STXBP5L: variants seen among roughly 807,000 people sequenced by gnomAD.
STXBP5L encodes the protein syntaxin-binding protein 5-like.
In STXBP5L, 65 loss-of-function variants were observed where a neutral mutation model predicts 144.5. The observed-to-expected ratio is 0.45, with a 90% CI of 0.37 to 0.55. The LOEUF (loss-of-function observed/expected upper bound fraction) is 0.55. Among genes scored for constraint, STXBP5L ranks in the 20% least tolerant of loss-of-function variants. The pLI is 0.00. For synonymous variants in STXBP5L, 505 were observed against 469.6 expected (o/e 1.08, Z -0.97); for missense variants, 1,298 against 1,405.5 (o/e 0.92, Z 1.22).
chr3:121,321,242 T>G (rs919890989), intron 20 of STXBP5L, among the ~76,000 whole-genome samples: 2 of 152,210 alleles, frequency 1.3e-5, no homozygotes, highest in Admixed American at 6.5e-5. Flanking sequence ...ATGAGAGATT[T>G]TTTTTTCCTT....
intron 19 of STXBP5L, among the ~76,000 whole-genome samples, chr3:121,296,424 C>T (rs1013270649): frequency 1.3e-5 from 2 of 152,176 alleles, no homozygotes; most frequent in Non-Finnish European, 2.9e-5. Context: ...GAGGGGCTTT[C>T]CATTTCCAGA....
intron 20 of STXBP5L, among the ~76,000 whole-genome samples, chr3:121,364,328 CA>C (rs2045804121): frequency 6.6e-6 from 1 of 152,082 alleles, no homozygotes; most frequent in South Asian, 2.1e-4. Flanking sequence ...CTCCTTATAA[CA>C]GTACCAAAAT....
intron 3 of STXBP5L, among the ~76,000 whole-genome samples, chr3:121,005,149 T>A (rs1576634294): frequency 6.6e-6 from 1 of 152,232 alleles, no homozygotes; most frequent in South Asian, 2.1e-4. Flanking sequence ...CTTGTAACTC[T>A]GGTAGAATTT....
chr3:121,096,717 T>A (rs2043149914), intron 5 of STXBP5L, among the ~76,000 whole-genome samples: 1 of 152,068 alleles, frequency 6.6e-6, no homozygotes. Context: ...TCCTCTGGAA[T>A]CTTTGTCCCA....
chr3:121,414,086 G>A (rs1443487198), intron 24 of STXBP5L, among the ~76,000 whole-genome samples: 1 of 152,024 alleles, frequency 6.6e-6, no homozygotes, highest in Non-Finnish European at 1.5e-5. Flanking sequence ...CTGGAATATA[G>A]TATGTTTTTT....
chr3:121,029,029 A>G (rs1946170513), intron 3 of STXBP5L, among the ~76,000 whole-genome samples: 1 of 152,290 alleles, frequency 6.6e-6, no homozygotes, highest in Admixed American at 6.5e-5. Context: ...AAAATAAGAG[A>G]GGACACAAAC....
At chr3:121,081,292 T>A (rs962979311) in intron 5 of STXBP5L, among the ~76,000 whole-genome samples, 1 of 152,214 alleles carries the variant, frequency 6.6e-6, no homozygotes, top group African/African-American at 2.4e-5. Flanking sequence ...GTTTTTTACC[T>A]TCCTCTGGTA....
chr3:121,250,613 TA>T (rs2049998511), intron 14 of STXBP5L, 109 bp from the exon 15 acceptor site: 1 of 857,276 alleles, frequency 1.2e-6, no homozygotes, highest in African/African-American at 1.7e-5. Context: ...ATTAAAGTGG[TA>T]TTTTTGAATC....
chr3:121,149,583 G>T (rs2045857298), intron 7 of STXBP5L, among the ~76,000 whole-genome samples: 1 of 151,894 alleles, frequency 6.6e-6, no homozygotes, highest in Non-Finnish European at 1.5e-5. Context: ...ATGGCAAAGA[G>T]AATCAACCTT....
rs530571180 is a variant in STXBP5L at position 121,176,618 on chromosome 3, C to A, written c.877+18991C>A. On this transcript the variant is annotated intron_variant, in intron 9 of 26. Transcript: ENST00000471454. ...TAAAAATTATGACAGAAATGGGCAA[C>A]AAAACCTTAGGAAATATGAAATAAA... Among the ~76,000 whole-genome samples the A allele has an allele frequency of 4.0e-5, 6 of 149,342 alleles. No individual in the cohort carries two copies. The South Asian group carries it at 1.3e-3, about 31-fold the overall frequency.
intron 3 of STXBP5L, among the ~76,000 whole-genome samples, chr3:120,959,510 G>T (rs1329047056): frequency 6.6e-6 from 1 of 152,124 alleles, no homozygotes; most frequent in South Asian, 2.1e-4. Context: ...TATACTACAA[G>T]GCTACAGTAA....
rs180994038 is a variant in STXBP5L, at chr3:121,033,915, G to A, written c.288-7785G>A. Among the ~76,000 whole-genome samples the A allele has an allele frequency of 3.5e-3, 527 of 152,088 alleles. 3 individuals carry two copies. Among genetic ancestry groups the A allele is most frequent in the African/African-American group, 0.012 (496 of 41,536 alleles). Reference sequence around the variant, plus strand: ...CTTTAAGAAATACTTAAAAGATCTTGAAATATTTTAACTCTTATTAAAAAT... The same window carrying A: ...CTTTAAGAAATACTTAAAAGATCTTAAAATATTTTAACTCTTATTAAAAAT... On this transcript the variant is annotated intron_variant, in intron 3 of 26. Coordinates refer to ENST00000471454, the MANE Select transcript of STXBP5L (RefSeq NM_001308330.2).
chr3:121,352,566 G>GC lies in STXBP5L; in HGVS notation c.2177-26150_2177-26149insC, dbSNP rs556255713. Among the ~76,000 whole-genome samples, 102 of 152,148 alleles carry GC rather than the reference G, an allele frequency of 6.7e-4. 2 individuals carry two copies. The South Asian group carries it at 0.021, about 31-fold the overall frequency. On this transcript the variant is annotated intron_variant, in intron 20 of 26. Transcript: ENST00000471454. ...GAGACTTTGCTGAAGTTGCTTATCA[G>GC]ATAAGGAGATTTTGGGCTGAGACAA...
At chr3:120,989,004 T>C (rs954407001) in intron 3 of STXBP5L, among the ~76,000 whole-genome samples, 1 of 152,180 alleles carries the variant, frequency 6.6e-6, no homozygotes, top group South Asian at 2.1e-4. Context: ...TCATTCTTTT[T>C]TTAAGGCCGA....
chr3:121,305,896 A>G (rs1462686386), intron 19 of STXBP5L, among the ~76,000 whole-genome samples: 1 of 152,192 alleles, frequency 6.6e-6, no homozygotes, highest in Non-Finnish European at 1.5e-5. Flanking sequence ...AACCCAAAGG[A>G]AACTACAAAA....
At chr3:121,316,660 A>T (rs1322479213) in intron 19 of STXBP5L, among the ~76,000 whole-genome samples, 4 of 152,230 alleles carry the variant, frequency 2.6e-5, no homozygotes, top group Non-Finnish European at 4.4e-5. Context: ...AATAATAGAT[A>T]CTAGTTGCTG....
At chr3:121,294,735 G>A (rs986975986) in intron 19 of STXBP5L, among the ~76,000 whole-genome samples, 4 of 151,876 alleles carry the variant, frequency 2.6e-5, no homozygotes, top group Non-Finnish European at 5.9e-5. Context: ...AAGAAGAGGA[G>A]TTGCCAGGGA....
intron 3 of STXBP5L, among the ~76,000 whole-genome samples, chr3:121,007,237 C>A (rs1041457245): frequency 2.0e-5 from 3 of 151,844 alleles, no homozygotes; most frequent in African/African-American, 4.8e-5. Context: ...GTGATAAGCC[C>A]CCTTGATTAT....
intron 6 of STXBP5L, among the ~76,000 whole-genome samples, chr3:121,118,480 T>C (rs916499281): frequency 1.3e-5 from 2 of 151,548 alleles, no homozygotes; most frequent in Non-Finnish European, 3.0e-5. Flanking sequence ...GAATGGCTGG[T>C]GGATAGGATA....
Sources: gnomAD v4.1 joint callset for allele counts (sites outside exome capture counted in the v4.1 genomes callset) on GRCh38, gnomAD v4.1.1 for gene constraint, MANE v1.5 for transcripts, NCBI Gene and HGNC (gene_info 2026-07-23, HGNC 2026-07-21) for gene names.